SGK1: variants seen among roughly 807,000 people sequenced by gnomAD.
SGK1 encodes the protein serum/glucocorticoid regulated kinase 1.
Under a neutral mutation model 64.2 loss-of-function variants are expected in SGK1, and 26 were observed. The observed-to-expected ratio is 0.40, with a 90% CI of 0.30 to 0.56. The LOEUF (loss-of-function observed/expected upper bound fraction) is 0.56. SGK1 is among the 20% of genes least tolerant of loss of function. The probability of loss-of-function intolerance (pLI) is 0.38; values close to 1 mark genes in which losing one functional copy is unlikely to be tolerated. For synonymous variants in SGK1, 265 were observed against 239.7 expected (o/e 1.11, Z -0.98); for missense variants, 519 against 645.6 (o/e 0.80, Z 2.12).
At chr6:134,292,019 C>T (rs1394455898) in intron 1 of SGK1, among the ~76,000 whole-genome samples, 4 of 150,462 alleles carry the variant, frequency 2.7e-5, no homozygotes. Context: ...ACTGAGATCA[C>T]ACCGTTGCAC....
intron 3 of SGK1, chr6:134,174,997 C>G (rs2114642637): frequency 8.5e-7 from 1 of 1,182,042 alleles, no homozygotes; most frequent in Non-Finnish European, 1.1e-6. Context: ...TTGCTGGCGG[C>G]TACGCTGCCT....
intron 1 of SGK1, among the ~76,000 whole-genome samples, chr6:134,305,673 GT>G (rs1410995133): frequency 2.0e-5 from 3 of 152,000 alleles, no homozygotes; most frequent in African/African-American, 7.2e-5. Flanking sequence ...CAGAGATGGG[GT>G]TTTGTTCTGT....
At position 134,207,431 on chromosome 6, in the gene SGK1, C is replaced by T. The variant is rs1468267594; in HGVS notation, c.286G>A (p.Val96Met). 1 of 1,604,370 alleles carries T rather than the reference C, an allele frequency of 6.2e-7. No individual in the cohort carries two copies. The highest frequency in any genetic ancestry group is 8.5e-7 in the Non-Finnish European group (1 of 1,171,734). The change falls in exon 3 of 14, where the codon GTG (valine) becomes ATG (methionine). Residue 96 changes from valine to methionine, a missense_variant and splice_region_variant. Coordinates refer to ENST00000367858, the MANE Select transcript of SGK1 (RefSeq NM_001143676.3). ...TTGGCATGATTACATGGCTCTCTCACCTTTAAAACATAAAGAGAAAAGAAG... is the reference window on the plus strand; with the variant it reads ...TTGGCATGATTACATGGCTCTCTCATCTTTAAAACATAAAGAGAAAAGAAG... ...CSWETQSGCEVREPCNHANIL... is the reference protein window; with the variant it reads ...CSWETQSGCEMREPCNHANIL...
chr6:134,252,076 A>G (rs1229693438), intron 2 of SGK1, among the ~76,000 whole-genome samples: 1 of 152,200 alleles, frequency 6.6e-6, no homozygotes, highest in East Asian at 1.9e-4. Context: ...TTCTAAATAC[A>G]GCAGAACTAT....
intron 3 of SGK1, among the ~76,000 whole-genome samples, chr6:134,206,383 A>ATATATATATT (rs1562250478): frequency 1.2e-4 from 2 of 16,604 alleles, no homozygotes; most frequent in Non-Finnish European, 2.3e-4. Flanking sequence ...ATATATATAT[A>ATATATATATT]TTTTTTTTTT....
At chr6:134,297,788 A>G (rs1379274606) in intron 1 of SGK1, 1 of 572,284 alleles carries the variant, frequency 1.7e-6, no homozygotes, top group Non-Finnish European at 3.2e-6. Context: ...GGCGTGAGCC[A>G]CTGCGCCCGG....
intron 2 of SGK1, among the ~76,000 whole-genome samples, chr6:134,245,408 T>C (rs1462517875): frequency 2.0e-5 from 3 of 152,236 alleles, no homozygotes; most frequent in Non-Finnish European, 2.9e-5. Flanking sequence ...ACAGTCTAGA[T>C]TAGACAAATA....
At chr6:134,201,762 A>C (rs116039579) in intron 3 of SGK1, among the ~76,000 whole-genome samples, 1,835 of 152,298 alleles carry the variant, frequency 0.012, 46 homozygotes, top group African/African-American at 0.042. Context: ...TTTGTAAAGA[A>C]TCCATTTACA....
intron 2 of SGK1, among the ~76,000 whole-genome samples, chr6:134,243,278 G>C (rs1035214139): frequency 3.3e-5 from 5 of 152,122 alleles, no homozygotes; most frequent in African/African-American, 1.2e-4. Flanking sequence ...CATAAATGGT[G>C]AAAGTATAAT....
At chr6:134,308,905 G>T (rs1318985719) in intron 1 of SGK1, among the ~76,000 whole-genome samples, 1 of 152,070 alleles carries the variant, frequency 6.6e-6, no homozygotes, top group East Asian at 1.9e-4. Flanking sequence ...CTTGCTGTGA[G>T]CTTATCCTCC....
chr6:134,172,459 T>C (rs1775061495), intron 9 of SGK1, 143 bp from the exon 10 acceptor site: 7 of 871,538 alleles, frequency 8.0e-6, no homozygotes, highest in Non-Finnish European at 1.2e-5. Flanking sequence ...GCCCTTGTTC[T>C]GCTCATCTAT....
intron 3 of SGK1, among the ~76,000 whole-genome samples, chr6:134,183,887 G>A (rs920174741): frequency 4.2e-5 from 5 of 118,982 alleles, no homozygotes; most frequent in African/African-American, 6.8e-5. Context: ...TGGATCCTTC[G>A]GTCAGGAATT....
chr6:134,247,963 C>A (rs1297448084), intron 2 of SGK1, among the ~76,000 whole-genome samples: 2 of 151,854 alleles, frequency 1.3e-5, no homozygotes, highest in African/African-American at 4.8e-5. Flanking sequence ...AGATTTAATC[C>A]ATGAAATAAA....
intron 2 of SGK1, among the ~76,000 whole-genome samples, chr6:134,238,718 G>A (rs1037434123): frequency 6.6e-6 from 1 of 151,922 alleles, no homozygotes; most frequent in African/African-American, 2.4e-5. Flanking sequence ...TCTCCAATGT[G>A]GAACACATTA....
At chr6:134,227,022 T>C (rs1776193557) in intron 2 of SGK1, among the ~76,000 whole-genome samples, 1 of 152,132 alleles carries the variant, frequency 6.6e-6, no homozygotes, top group Non-Finnish European at 1.5e-5. Context: ...TAGGAAAGCG[T>C]TGTGGTGTTT....
chr6:134,279,075 G>A (rs1777056704), intron 1 of SGK1, among the ~76,000 whole-genome samples: 1 of 152,162 alleles, frequency 6.6e-6, no homozygotes, highest in Non-Finnish European at 1.5e-5. Context: ...GGATGTGGTG[G>A]CATGCACCTG....
intron 2 of SGK1, among the ~76,000 whole-genome samples, chr6:134,220,996 A>AC (rs1223556681): frequency 4.6e-5 from 7 of 151,842 alleles, no homozygotes; most frequent in Admixed American, 3.3e-4. Context: ...AAAAAAAAAA[A>AC]AATTTTATTA....
intron 3 of SGK1, among the ~76,000 whole-genome samples, chr6:134,177,213 A>C (rs912199622): frequency 6.7e-6 from 1 of 149,234 alleles, no homozygotes; most frequent in Non-Finnish European, 1.5e-5. Context: ...ACTCCGTCTC[A>C]AAACAAACAA....
At chr6:134,209,973 G>A (rs780050588) in intron 2 of SGK1, among the ~76,000 whole-genome samples, 2 of 152,200 alleles carry the variant, frequency 1.3e-5, no homozygotes, top group South Asian at 2.1e-4. Context: ...CACCGTGCCA[G>A]GCCTGTGAAG....
Sources: gnomAD v4.1 joint callset for allele counts (sites outside exome capture counted in the v4.1 genomes callset) on GRCh38, gnomAD v4.1.1 for gene constraint, MANE v1.5 for transcripts, NCBI Gene and HGNC (gene_info 2026-07-23, HGNC 2026-07-21) for gene names.